Variants in RPS6KA1 observed in about 807,000 individuals in gnomAD.
RPS6KA1 encodes the protein ribosomal protein S6 kinase A1.
RPS6KA1 carries 48 observed loss-of-function variants against 91.3 expected under a neutral mutation model. The ratio of observed to expected loss-of-function variants is 0.53; its 90% confidence interval spans 0.42 to 0.67. The LOEUF (loss-of-function observed/expected upper bound fraction) is 0.67. Ranked by LOEUF, RPS6KA1 falls within the 30% of genes least tolerant of loss-of-function variation. The probability of loss-of-function intolerance (pLI) is 0.00; values close to 1 mark genes in which losing one functional copy is unlikely to be tolerated. For missense variants in RPS6KA1, 719 were observed against 960.5 expected (o/e 0.75, Z 3.32); for synonymous variants, 359 against 384.7 (o/e 0.93, Z 0.78).
At chr1:26,539,440 T>G (rs949733710) in intron 2 of RPS6KA1, among the ~76,000 whole-genome samples, 3 of 152,172 alleles carry the variant, frequency 2.0e-5, no homozygotes, top group African/African-American at 7.2e-5. Context: ...AGTCAGGGAT[T>G]CTGAGTTCAG....
intron 2 of RPS6KA1, 33 bp downstream of exon 2, chr1:26,537,002 G>A: frequency 1.2e-6 from 2 of 1,612,566 alleles, no homozygotes; most frequent in South Asian, 2.2e-5. Flanking sequence ...TGAGCGAGGG[G>A]CTGTGGGGGA....
chr1:26,557,549 G>A (rs1050150068), intron 13 of RPS6KA1, among the ~76,000 whole-genome samples: 2 of 152,102 alleles, frequency 1.3e-5, no homozygotes, highest in Admixed American at 6.5e-5. Context: ...CTGACTGCCC[G>A]GCCTCCGTGT....
Position 26,568,435 on chromosome 1 carries a change from G to A in RPS6KA1, c.1591-3014G>A, listed in dbSNP as rs554003875. Among the ~76,000 whole-genome samples, 58 of 152,238 alleles carry A rather than the reference G, an allele frequency of 3.8e-4. No homozygotes were observed. In the South Asian group the frequency reaches 0.01, roughly 27 times the overall value. ...TAGGAATTTGTAGTTTCTCTATGTT[G>A]TATTAGGGTAGGAAAAAAGATCAAC... On this transcript the variant is annotated intron_variant, in intron 17 of 21. Transcript: ENST00000374168.
At chr1:26,565,206 C>A (rs389548) in intron 17 of RPS6KA1, among the ~76,000 whole-genome samples, 117,729 of 151,998 alleles carry the variant, frequency 0.77, 46,091 homozygotes, top group African/African-American at 0.89. Flanking sequence ...TGGAGTGGAT[C>A]CTCTGGGTTG....
At chr1:26,534,033 T>C (rs557154488) in intron 1 of RPS6KA1, among the ~76,000 whole-genome samples, 4 of 152,288 alleles carry the variant, frequency 2.6e-5, no homozygotes, top group South Asian at 2.1e-4. Flanking sequence ...CCAGACTGCC[T>C]TAGAGCGGGG....
At chr1:26,535,542 G>A (rs1414557105) in intron 1 of RPS6KA1, among the ~76,000 whole-genome samples, 1 of 152,120 alleles carries the variant, frequency 6.6e-6, no homozygotes, top group Non-Finnish European at 1.5e-5. Flanking sequence ...CGCCCAGATA[G>A]GGTAGGTTAC....
intron 20 of RPS6KA1, 22 bp from the exon 21 acceptor site, chr1:26,573,202 C>T: frequency 6.2e-7 from 1 of 1,612,954 alleles, no homozygotes; most frequent in Non-Finnish European, 8.5e-7. Flanking sequence ...TCCCCCAACC[C>T]CCTTGCCCAC....
rs2076250946 is a variant in RPS6KA1 at position 26,571,749 on chromosome 1, C to T, written c.1753-100C>T. ...TGGCAAGGGAAGATCTAGCCTGTGC[C>T]TGGGACCCTTGTCCTGCCCTTGAGG... On this transcript the variant is annotated intron_variant, in intron 18 of 21. Coordinates refer to ENST00000374168, the MANE Select transcript of RPS6KA1 (RefSeq NM_002953.4). This position sits in a 1 kb window ranked among gnomAD's most constrained non-coding sequence, Gnocchi z 5.1. The T allele has an allele frequency of 1.1e-5, 17 of 1,483,884 alleles. No individual in the cohort carries two copies. Among genetic ancestry groups the T allele is most frequent in the Non-Finnish European group, 1.6e-5 (17 of 1,093,214 alleles). The allele number at this position is 1,483,884 out of a possible 1,614,324, so 91.9% of individuals were successfully genotyped here. A position where few individuals can be genotyped will look rare whatever the true frequency, so the allele number is the denominator to read the frequency against.
At position 26,547,091 on chromosome 1, in the gene RPS6KA1, A is replaced by T; in HGVS notation, c.226-98A>T. On this transcript the variant is annotated intron_variant, in intron 3 of 21. Coordinates refer to ENST00000374168, the MANE Select transcript of RPS6KA1 (RefSeq NM_002953.4). The surrounding 1 kb of genome is among the most constrained non-coding windows in gnomAD (Gnocchi z 4.1). ...TCAGAGGTCACCTTGGTACCCAGGGAGAGCAAAAAGGTCAGCTTGGGGCTC... is the reference window on the plus strand; with the variant it reads ...TCAGAGGTCACCTTGGTACCCAGGGTGAGCAAAAAGGTCAGCTTGGGGCTC... The T allele has an allele frequency of 6.5e-7, 1 of 1,532,574 alleles. No individual in the cohort carries two copies. Among genetic ancestry groups the T allele is most frequent in the South Asian group, 1.1e-5 (1 of 89,358 alleles). 94.9% of individuals were successfully genotyped at this position (1,532,574 alleles called of 1,614,324 possible). A position where few individuals can be genotyped will look rare whatever the true frequency, so the allele number is the denominator to read the frequency against.
chr1:26,539,735 ACT>A (rs2075932971), intron 2 of RPS6KA1, among the ~76,000 whole-genome samples: 1 of 152,012 alleles, frequency 6.6e-6, no homozygotes, highest in South Asian at 2.1e-4. Flanking sequence ...CAGGGTGAGA[ACT>A]CTCTGGATCC....
intron 17 of RPS6KA1, among the ~76,000 whole-genome samples, chr1:26,568,359 C>G (rs575068117): frequency 3.9e-5 from 6 of 152,224 alleles, no homozygotes; most frequent in Non-Finnish European, 7.3e-5. Context: ...TCCCCTCCCC[C>G]ACTCACCATC....
In RPS6KA1 at chr1:26,574,351, G is replaced by A. The variant is rs775108222; in HGVS notation, c.*150G>A. Reference sequence around the variant, plus strand: ...AGCCCAGAACACCCCTAATGAGGGTGTGAGAAGTGCCTTCTCCTTCCCCAG... The same window carrying A: ...AGCCCAGAACACCCCTAATGAGGGTATGAGAAGTGCCTTCTCCTTCCCCAG... On this transcript the variant is annotated 3_prime_UTR_variant, in exon 22 of 22. Coordinates refer to ENST00000374168, the MANE Select transcript of RPS6KA1 (RefSeq NM_002953.4). This position sits in a 1 kb window ranked among gnomAD's most constrained non-coding sequence, Gnocchi z 4.3. 2 of 938,208 alleles carry A rather than the reference G, an allele frequency of 2.1e-6. No homozygotes were observed. The highest frequency in any genetic ancestry group is 1.7e-5 in the Admixed American group (1 of 58,214). 58.1% of individuals were successfully genotyped at this position (938,208 alleles called of 1,614,324 possible). A position where few individuals can be genotyped will look rare whatever the true frequency, so the allele number is the denominator to read the frequency against.
rs376800319 is a variant in RPS6KA1 at position 26,536,979 on chromosome 1, A to G, written c.108+10A>G. On this transcript the variant is annotated intron_variant, in intron 2 of 21. Transcript: ENST00000374168. The stretch of plus-strand genomic sequence containing the variant: ...ACTTCAGCCGTCCAAGGTGAGGACC[A>G]TGGCCAGCACCCTGAGCGAGGGGCT... The G allele has an allele frequency of 3.4e-5, 55 of 1,613,960 alleles. No individual in the cohort carries two copies. Among genetic ancestry groups the G allele is most frequent in the Non-Finnish European group, 4.4e-5 (52 of 1,179,924 alleles).
intron 1 of RPS6KA1, chr1:26,531,153 A>T (rs1312039430): frequency 6.3e-6 from 1 of 159,374 alleles, no homozygotes; most frequent in Admixed American, 6.2e-5. Context: ...GGGATGGCCG[A>T]CACTGGCTAT....
At chr1:26,572,455 A>G (rs766389962) in intron 20 of RPS6KA1, among the ~76,000 whole-genome samples, 162 bp downstream of exon 20, 4 of 151,740 alleles carry the variant, frequency 2.6e-5, no homozygotes, top group Non-Finnish European at 5.9e-5. Context: ...GCAGACCACC[A>G]CCACCTCCGT....
intron 6 of RPS6KA1, 50 bp from the exon 7 acceptor site, chr1:26,553,341 C>A: frequency 7.5e-7 from 1 of 1,334,900 alleles, no homozygotes; most frequent in Non-Finnish European, 1.1e-6. Flanking sequence ...AGTGCCCCAG[C>A]TCTTAAGGAA....
chr1:26,561,719 G>T lies in RPS6KA1; in HGVS notation c.1590+56G>T, dbSNP rs1570453677. 6.6e-7 allele frequency: 1 copy of T among 1,524,126 alleles called. No homozygotes were observed. Among genetic ancestry groups the T allele is most frequent in the East Asian group, 2.3e-5 (1 of 43,688 alleles). The allele number at this position is 1,524,126 out of a possible 1,614,324, so 94.4% of individuals were successfully genotyped here. The stretch of plus-strand genomic sequence containing the variant: ...GATGCCAAGGGTCATATCATCAGCA[G>T]AGAACATGAACCACCTGCTGGCCCA... On this transcript the variant is annotated intron_variant, in intron 17 of 21. Coordinates refer to ENST00000374168, the MANE Select transcript of RPS6KA1 (RefSeq NM_002953.4). This position sits in a 1 kb window ranked among gnomAD's most constrained non-coding sequence, Gnocchi z 5.7.
Position 26,571,591 on chromosome 1 carries a change from C to A in RPS6KA1, c.1733C>A (p.Ala578Asp), listed in dbSNP as rs774629409. The change falls in exon 18 of 22, where the codon GCC (alanine) becomes GAC (aspartate). Residue 578 changes from alanine (A) to aspartate (D), a missense_variant. Ala to Asp is a moderately radical substitution (Grantham distance 126). Coordinates refer to ENST00000374168, the MANE Select transcript of RPS6KA1 (RefSeq NM_002953.4). This position sits in a 1 kb window ranked among gnomAD's most constrained non-coding sequence, Gnocchi z 5.1. ...CTCCTCATGACACCTTGCTACACAG[C>A]CAACTTTGTGGCGCCTGAGGTGAGT... Reference protein sequence around the residue: ...NGLLMTPCYTANFVAPEVLKR... With the variant: ...NGLLMTPCYTDNFVAPEVLKR... The A allele has an allele frequency of 6.2e-7, 1 of 1,614,134 alleles. No individual in the cohort carries two copies. The highest frequency in any genetic ancestry group is 8.5e-7 in the Non-Finnish European group (1 of 1,180,016).
In RPS6KA1 at chr1:26,561,007, G is replaced by A. The variant is rs1407263355; in HGVS notation, c.1342-38G>A. On this transcript the variant is annotated intron_variant, in intron 15 of 21. Coordinates refer to ENST00000374168, the MANE Select transcript of RPS6KA1 (RefSeq NM_002953.4). The surrounding 1 kb of genome is among the most constrained non-coding windows in gnomAD (Gnocchi z 5.7). Reference sequence around the variant, plus strand: ...ATGGCCAGAAAGGACCCTGGACCCTGTCACCCTGACACTGCCACATGCACC... The same window carrying A: ...ATGGCCAGAAAGGACCCTGGACCCTATCACCCTGACACTGCCACATGCACC... 2.5e-6 allele frequency: 4 copies of A among 1,607,150 alleles called. No individual in the cohort carries two copies. Among genetic ancestry groups the A allele is most frequent in the African/African-American group, 1.3e-5 (1 of 74,742 alleles).
Sources: gnomAD v4.1 joint callset for allele counts (sites outside exome capture counted in the v4.1 genomes callset) on GRCh38, gnomAD v4.1.1 for gene constraint, Gnocchi (gnomAD v3.1) non-coding constraint, MANE v1.5 for transcripts, NCBI Gene and HGNC (gene_info 2026-07-23, HGNC 2026-07-21) for gene names.